The following CLK1 variants were observed in gnomAD, a reference collection of about 807,000 sequenced individuals.
CLK1 encodes dual specificity protein kinase CLK1.
Under a neutral mutation model 60.9 loss-of-function variants are expected in CLK1, and 40 were observed. That is an observed-to-expected ratio of 0.66 (90% CI 0.51 to 0.86). The LOEUF is 0.86. Among genes scored for constraint, CLK1 ranks in the 40% least tolerant of loss-of-function variants. The probability of loss-of-function intolerance (pLI) is 0.00; values close to 1 mark genes in which losing one functional copy is unlikely to be tolerated. For missense variants in CLK1, 563 were observed against 606.1 expected (o/e 0.93, Z 0.75); for synonymous variants, 203 against 184.4 (o/e 1.10, Z -0.82).
rs771140179 is a variant in CLK1, at chr2:200,854,664, A to G, written c.1172T>C (p.Met391Thr). ...THDSKEHLAM[M>T]ERILGPLPKH... is the part of the protein sequence containing the mutation. ...TGGTAGAGGTCCAAGAATCCTTTCC[A>G]TCATTGCTAAATGCTCCTTACTATC... Residue 391 changes from methionine (M) to threonine (T), a missense_variant, in exon 11 of 13, where the codon ATG becomes ACG. Transcript: ENST00000321356. 1 of 1,609,838 alleles carries G rather than the reference A, an allele frequency of 6.2e-7. No individual in the cohort carries two copies. The highest frequency in any genetic ancestry group is 1.1e-5 in the South Asian group (1 of 90,982).
rs373674851 is a variant in CLK1 at position 200,857,728 on chromosome 2, C to T, written c.822G>A (p.Lys274=). The change falls in exon 7 of 13, where the codon AAG becomes AAA. Residue 274 remains lysine (K), a synonymous_variant. Transcript: ENST00000321356. ...HIRKMAYQIC[K]SVNFLHSNKL... ...ATACCAAGAACTTACAATTCACAGA[C>T]TTGCATATCTGATATGCCATCTTTC... is the stretch of plus-strand genomic sequence containing the variant. 1.1e-5 allele frequency: 17 copies of T among 1,594,226 alleles called. No individual in the cohort carries two copies. The highest frequency in any genetic ancestry group is 1.4e-5 in the Non-Finnish European group (16 of 1,170,794).
At position 200,853,110 on chromosome 2, in the gene CLK1, A is replaced by C. The variant is rs1390518516; in HGVS notation, c.*196T>G. The stretch of plus-strand genomic sequence containing the variant: ...TAAGCACAAAAAATTTATTCTGAAT[A>C]AATCACTTTACAATTACTGAAAAAG... On this transcript the variant is annotated 3_prime_UTR_variant, in exon 13 of 13. Transcript: ENST00000321356. 3 of 433,006 alleles carry C rather than the reference A, an allele frequency of 6.9e-6. No homozygotes were observed. Among genetic ancestry groups the C allele is most frequent in the African/African-American group, 4.1e-5 (2 of 49,004 alleles). 26.8% of individuals were successfully genotyped at this position (433,006 alleles called of 1,614,324 possible).
At chr2:200,854,231 T>G (rs2039000291) in intron 11 of CLK1, 2 of 379,640 alleles carry the variant, frequency 5.3e-6, no homozygotes. Context: ...AGAGTGAAAA[T>G]TTAAAAAAAA....
chr2:200,857,998 T>C lies in CLK1; in HGVS notation c.640A>G (p.Asn214Asp). ...RSEIQVLEHL[N>D]TTDPNSTFRC... is the part of the protein sequence containing the mutation. ...AAAGTACTGTTGGGGTCTGTTGTAT[T>C]CAGATGTTCCAGAACTTGTATTTCT... is the stretch of plus-strand genomic sequence containing the variant. Residue 214 changes from asparagine to aspartate, a missense_variant, in exon 6 of 13, where the codon AAT becomes GAT. Physicochemically the swap from Asn to Asp is conservative, Grantham distance 23 (BLOSUM62 1). This residue lies in a region of CLK1 where 360 missense variants were observed against 407.0 expected (regional missense o/e 0.88). Coordinates refer to ENST00000321356, the MANE Select transcript of CLK1 (RefSeq NM_004071.4). 1.2e-6 allele frequency: 2 copies of C among 1,614,002 alleles called. No homozygotes were observed. The highest frequency in any genetic ancestry group is 2.2e-5 in the South Asian group (2 of 91,078).
intron 5 of CLK1, 195 bp from the exon 6 acceptor site, chr2:200,858,284 T>G: frequency 1.7e-6 from 1 of 578,146 alleles, no homozygotes; most frequent in Admixed American, 3.0e-5. Flanking sequence ...TGAGTTATTT[T>G]TTGGTATTTC....
intron 5 of CLK1, 181 bp from the exon 6 acceptor site, chr2:200,858,270 C>T (rs533652157): frequency 2.2e-5 from 13 of 596,478 alleles, no homozygotes; most frequent in South Asian, 3.9e-5. Context: ...AACCACCACT[C>T]ACATGAGTTA....
rs1173746499 is a variant in CLK1, at chr2:200,861,758, A to G, written c.105T>C (p.His35=). The G allele has an allele frequency of 6.2e-7, 1 of 1,614,006 alleles. No homozygotes were observed. Among genetic ancestry groups the G allele is most frequent in the Non-Finnish European group, 8.5e-7 (1 of 1,180,014 alleles). ...AGCGCTTGTTCTCCTGGGCACTGCT[A>G]TGTGATCTCTTCCTTCTTTTATGAC... ...SSSHKRRKRS[H]SSAQENKRCK... The change falls in exon 2 of 13, where the codon CAT becomes CAC. Residue 35 remains histidine (H), a synonymous_variant. Transcript: ENST00000321356.
chr2:200,853,397 T>C lies in CLK1; in HGVS notation c.1364A>G (p.Gln455Arg). 2 of 1,613,438 alleles carry C rather than the reference T, an allele frequency of 1.2e-6. No homozygotes were observed. The highest frequency in any genetic ancestry group is 1.7e-6 in the Non-Finnish European group (2 of 1,179,742). Residue 455 changes from glutamine (Q) to arginine (R), a missense_variant, in exon 13 of 13, where the codon CAG (glutamine) becomes CGG (arginine). Physicochemically the swap from Gln to Arg is conservative, Grantham distance 43 (BLOSUM62 1). This residue lies in a region of CLK1 where 360 missense variants were observed against 407.0 expected (regional missense o/e 0.88). Transcript: ENST00000321356. ...GGCTGGATCATACTCCAACATTTTC[T>C]GAATGAGGTCAAAGAGACGCTCATG... The part of the protein sequence containing the change: ...VEHERLFDLI[Q>R]KMLEYDPAKR...
chr2:200,862,939 A>C (rs571990026), intron 1 of CLK1, among the ~76,000 whole-genome samples: 43 of 152,202 alleles, frequency 2.8e-4, no homozygotes, highest in Non-Finnish European at 4.7e-4. Flanking sequence ...ACCACTCCCA[A>C]GCACATACAA....
rs1055333686 is a variant in CLK1 at position 200,857,812 on chromosome 2, A to G, written c.738T>C (p.Leu246=). The G allele has an allele frequency of 5.0e-6, 8 of 1,613,886 alleles. No individual in the cohort carries two copies. The highest frequency in any genetic ancestry group is 6.8e-6 in the Non-Finnish European group (8 of 1,179,814). Residue 246 remains leucine, a synonymous_variant, in exon 7 of 13, where the codon CTT becomes CTC. Transcript: ENST00000321356. ...TTTCTTTAATGAAGTCGTAAGTACT[A>G]AGTCCCAATAGTTCAAAAACAATGC... ...HICIVFELLG[L]STYDFIKENG... is the part of the protein sequence containing the mutation.
At chr2:200,858,727 T>A (rs1575078783) in intron 5 of CLK1, among the ~76,000 whole-genome samples, 1 of 150,730 alleles carries the variant, frequency 6.6e-6, no homozygotes. Context: ...AAAAAAGAGC[T>A]CTAGCTCTCA....
chr2:200,855,677 TG>T (rs2039028734), intron 9 of CLK1, among the ~76,000 whole-genome samples: 1 of 149,892 alleles, frequency 6.7e-6, no homozygotes, highest in Admixed American at 6.7e-5. Context: ...ATGTTTGAGC[TG>T]GAAGATCCTA....
intron 4 of CLK1, 114 bp downstream of exon 4, chr2:200,860,006 AAAAAT>A (rs1435524153): frequency 9.5e-6 from 14 of 1,474,630 alleles, no homozygotes; most frequent in South Asian, 1.4e-5. Flanking sequence ...AAAGAAATGG[AAAAAT>A]AAAACAAAAA....
Position 200,863,990 on chromosome 2 carries a change from G to C in CLK1, c.-1+574C>G, listed in dbSNP as rs940184268. 10 of 1,215,062 alleles carry C rather than the reference G, an allele frequency of 8.2e-6. No homozygotes were observed. In the African/African-American group the frequency reaches 1.6e-4, roughly 19 times the overall value. The allele number at this position is 1,215,062 out of a possible 1,614,324, so 75.3% of individuals were successfully genotyped here. A position where few individuals can be genotyped will look rare whatever the true frequency, so the allele number is the denominator to read the frequency against. ...TCTCTTTCCTTGGGTTCCTAAATCTGGTTTTTGTTAACACCACTGAGGACA... is the reference window on the plus strand; with the variant it reads ...TCTCTTTCCTTGGGTTCCTAAATCTCGTTTTTGTTAACACCACTGAGGACA... On this transcript the variant is annotated intron_variant, in intron 1 of 12. Coordinates refer to ENST00000321356, the MANE Select transcript of CLK1 (RefSeq NM_004071.4).
Position 200,853,070 on chromosome 2 carries a change from T to C in CLK1, c.*236A>G, listed in dbSNP as rs2038971345. 1 of 347,886 alleles carries C rather than the reference T, an allele frequency of 2.9e-6. No individual in the cohort carries two copies. Among genetic ancestry groups the C allele is most frequent in the Non-Finnish European group, 5.1e-6 (1 of 194,372 alleles). The allele number at this position is 347,886 out of a possible 1,614,324, so 21.5% of individuals were successfully genotyped here. On this transcript the variant is annotated 3_prime_UTR_variant, in exon 13 of 13. Transcript: ENST00000321356. Reference sequence around the variant, plus strand: ...TGGTACTTAGAACAAACTGTTCAGATACATATCAACTTCATAAGCACAAAA... The same window carrying C: ...TGGTACTTAGAACAAACTGTTCAGACACATATCAACTTCATAAGCACAAAA...
chr2:200,856,677 C>T lies in CLK1; in HGVS notation c.1057+5G>A. ...AAAGGTTCTCAAAGGACAATTAATA[C>T]TCACCTAAAATAACTTCAGGTGCTC... On this transcript the variant is annotated splice_donor_5th_base_variant and intron_variant, in intron 9 of 12. Transcript: ENST00000321356. The T allele has an allele frequency of 6.4e-7, 1 of 1,565,572 alleles. No homozygotes were observed. The highest frequency in any genetic ancestry group is 8.6e-7 in the Non-Finnish European group (1 of 1,158,962).
Position 200,858,109 on chromosome 2 carries a change from A to G in CLK1, c.549-20T>C, listed in dbSNP as rs114484975. 14,557 of 1,462,226 alleles carry G rather than the reference A, an allele frequency of 1.0e-2. 94 individuals carry two copies. Among genetic ancestry groups the G allele is most frequent in the Non-Finnish European group, 0.012 (12,034 of 1,041,834 alleles). 90.6% of individuals were successfully genotyped at this position (1,462,226 alleles called of 1,614,324 possible). A position where few individuals can be genotyped will look rare whatever the true frequency, so the allele number is the denominator to read the frequency against. On this transcript the variant is annotated intron_variant, in intron 5 of 12. Transcript: ENST00000321356. ...CCTCCCCTGTTAGAAAGATGCATGC[A>G]AATTTAAGAATGACAGACATGATGC...
chr2:200,858,575 T>C (rs961294624), intron 5 of CLK1, among the ~76,000 whole-genome samples: 4 of 152,080 alleles, frequency 2.6e-5, no homozygotes, highest in African/African-American at 9.6e-5. Flanking sequence ...TGTGTGCCTG[T>C]AATCCCAGCT....
intron 9 of CLK1, 25 bp from the exon 10 acceptor site, chr2:200,855,111 GA>G (rs770310485): frequency 2.5e-5 from 37 of 1,508,992 alleles, no homozygotes; most frequent in East Asian, 9.1e-5. Flanking sequence ...AAAATTTAAG[GA>G]AAAAAAATAC....
Sources: gnomAD v4.1 joint callset for allele counts (sites outside exome capture counted in the v4.1 genomes callset) on GRCh38, gnomAD v4.1.1 for gene constraint, gnomAD v4.1.1 regional missense constraint, MANE v1.5 for transcripts, NCBI Gene and HGNC (gene_info 2026-07-23, HGNC 2026-07-21) for gene names.